Variants in SEMA6D observed in about 807,000 individuals in gnomAD.
SEMA6D encodes the protein semaphorin 6D.
In SEMA6D, 35 loss-of-function variants were observed where a neutral mutation model predicts 106.6. The observed-to-expected ratio is 0.33, with a 90% confidence interval of 0.25 to 0.44. The LOEUF (loss-of-function observed/expected upper bound fraction) is 0.44, where lower values mean the gene tolerates loss of function less well. Among genes scored for constraint, SEMA6D ranks in the 20% least tolerant of loss-of-function variants. SEMA6D has a pLI of 1.00. For missense variants in SEMA6D, 1,185 were observed against 1,345.9 expected (o/e 0.88, Z 1.87); for synonymous variants, 499 against 487.7 (o/e 1.02, Z -0.31).
In SEMA6D at chr15:47,503,673, G is replaced by GCT. The variant is rs561903309; in HGVS notation, c.-87+33141_-87+33142dup. Among the ~76,000 whole-genome samples the GCT allele has an allele frequency of 6.1e-3, 850 of 140,092 alleles. 6 individuals are homozygous for GCT. Among genetic ancestry groups the GCT allele is most frequent in the Admixed American group, 0.017 (226 of 13,498 alleles). 91.9% of individuals were successfully genotyped at this position (140,092 alleles called of 152,430 possible). On this transcript the variant is annotated intron_variant, in intron 3 of 19. Transcript: ENST00000558014. ...CTTGTGTCTGTGCACATGCAGGGGT[G>GCT]CTCTCTCTCTCTCTGTCACACACAC...
intron 3 of SEMA6D, among the ~76,000 whole-genome samples, chr15:47,567,511 A>G (rs2046262262): frequency 6.6e-6 from 1 of 152,146 alleles, no homozygotes; most frequent in African/African-American, 2.4e-5. Context: ...TAACCATGAA[A>G]TACTTTTCCT....
chr15:47,627,940 A>G (rs12899451), intron 4 of SEMA6D, among the ~76,000 whole-genome samples: 43,365 of 151,966 alleles, frequency 0.29, 7,192 homozygotes, highest in East Asian at 0.45. Flanking sequence ...TCATATAGTA[A>G]GTAACTTTTT....
chr15:47,377,631 C>T (rs1478732782), intron 1 of SEMA6D, among the ~76,000 whole-genome samples: 2 of 152,162 alleles, frequency 1.3e-5, no homozygotes, highest in African/African-American at 4.8e-5. Flanking sequence ...TTCTACCATC[C>T]TGTGGAGTCA....
intron 2 of SEMA6D, among the ~76,000 whole-genome samples, chr15:47,430,943 G>A (rs988580933): frequency 7.2e-5 from 11 of 152,094 alleles, no homozygotes; most frequent in Admixed American, 2.0e-4. Flanking sequence ...CCCTAGCCAC[G>A]GAGTTCTTTT....
chr15:47,309,050 A>G (rs1178755570), intron 1 of SEMA6D, among the ~76,000 whole-genome samples: 1 of 152,156 alleles, frequency 6.6e-6, no homozygotes, highest in African/African-American at 2.4e-5. Context: ...AGATGTGCTT[A>G]TAATTAGAAA....
chr15:47,329,586 G>A (rs2037262472), intron 1 of SEMA6D, among the ~76,000 whole-genome samples: 1 of 152,030 alleles, frequency 6.6e-6, no homozygotes. Flanking sequence ...ATGCATTGTT[G>A]GCTGCCTTTA....
At chr15:47,466,077 G>C (rs1012278998) in intron 2 of SEMA6D, among the ~76,000 whole-genome samples, 1 of 152,082 alleles carries the variant, frequency 6.6e-6, no homozygotes, top group Non-Finnish European at 1.5e-5. Flanking sequence ...AAAATGATTT[G>C]ATGTACATAT....
chr15:47,755,664 C>T (rs1021944252), intron 1 of SEMA6D, among the ~76,000 whole-genome samples: 2 of 151,730 alleles, frequency 1.3e-5, no homozygotes. Flanking sequence ...TAGAGTGTAG[C>T]TTGTCAGAGG....
At position 47,549,783 on chromosome 15, in the gene SEMA6D, G is replaced by C. The variant is rs117756137; in HGVS notation, c.-86-51082G>C. 9.9e-3 allele frequency among the ~76,000 whole-genome samples: 1,513 copies of C among 152,238 alleles called. 10 individuals carry two copies. Among genetic ancestry groups the C allele is most frequent in the Admixed American group, 0.021 (318 of 15,284 alleles). On this transcript the variant is annotated intron_variant, in intron 3 of 19. Coordinates refer to the SEMA6D transcript ENST00000558014. Reference sequence around the variant, plus strand: ...GGTATTGATTTGTACAAACCTTCCTGTTTCTGAGTGCCTTTAAGAAAATTA... The same window carrying C: ...GGTATTGATTTGTACAAACCTTCCTCTTTCTGAGTGCCTTTAAGAAAATTA...
At chr15:47,756,647 C>T (rs1235920391) in intron 1 of SEMA6D, among the ~76,000 whole-genome samples, 2 of 152,150 alleles carry the variant, frequency 1.3e-5, no homozygotes, top group Non-Finnish European at 2.9e-5. Flanking sequence ...TCCAACATTT[C>T]ATCCTGCTAC....
intron 1 of SEMA6D, among the ~76,000 whole-genome samples, chr15:47,292,030 C>A (rs1367851666): frequency 6.6e-6 from 1 of 152,218 alleles, no homozygotes; most frequent in African/African-American, 2.4e-5. Flanking sequence ...CTCAGGAAAT[C>A]TCTTTTCTCC....
chr15:47,674,096 C>T (rs2078194054), intron 4 of SEMA6D, among the ~76,000 whole-genome samples: 1 of 152,158 alleles, frequency 6.6e-6, no homozygotes, highest in South Asian at 2.1e-4. Flanking sequence ...AACACAAAAC[C>T]AGCACTGGCT....
At chr15:47,620,824 A>T (rs2077085350) in intron 4 of SEMA6D, among the ~76,000 whole-genome samples, 1 of 151,874 alleles carries the variant, frequency 6.6e-6, no homozygotes, top group Non-Finnish European at 1.5e-5. Context: ...CATCTCTCCA[A>T]TGTGGCAGAG....
At chr15:47,205,256 C>T (rs1002414702) in intron 1 of SEMA6D, among the ~76,000 whole-genome samples, 44 of 152,038 alleles carry the variant, frequency 2.9e-4, no homozygotes, top group Admixed American at 2.6e-4. Context: ...TTGTCTTCTC[C>T]TTTTTGCTCT....
At chr15:47,200,186 A>G (rs1209293796) in intron 1 of SEMA6D, among the ~76,000 whole-genome samples, 2 of 152,150 alleles carry the variant, frequency 1.3e-5, no homozygotes, top group African/African-American at 2.4e-5. Flanking sequence ...AAAGGGCGAA[A>G]GGGCTGTGGA....
chr15:47,433,707 G>A (rs528450362), intron 2 of SEMA6D, among the ~76,000 whole-genome samples: 349 of 152,192 alleles, frequency 2.3e-3, no homozygotes, highest in African/African-American at 8.1e-3. Flanking sequence ...AAGTTGCAGA[G>A]TATGGGAGAT....
chr15:47,596,086 C>T (rs2076531115), intron 3 of SEMA6D, among the ~76,000 whole-genome samples: 1 of 151,986 alleles, frequency 6.6e-6, no homozygotes, highest in African/African-American at 2.4e-5. Flanking sequence ...AAAACAAATA[C>T]AGTAAAGTTG....
rs1595592054 is a variant in SEMA6D at position 47,270,367 on chromosome 15, A to G, written c.-239+85949A>G. 2.0e-5 allele frequency among the ~76,000 whole-genome samples: 3 copies of G among 151,918 alleles called. No individual in the cohort carries two copies. The East Asian group carries it at 5.8e-4, about 29-fold the overall frequency. On this transcript the variant is annotated intron_variant, in intron 1 of 19. Coordinates refer to the SEMA6D transcript ENST00000558014. ...GTACACTATTGCTAGTAATTGCTTT[A>G]TAAATTCTTCAGGATTTTCTACATA...
At chr15:47,630,505 G>A (rs1443478769) in intron 4 of SEMA6D, among the ~76,000 whole-genome samples, 1 of 151,482 alleles carries the variant, frequency 6.6e-6, no homozygotes, top group Non-Finnish European at 1.5e-5. Context: ...GATTTTTTTT[G>A]AGATTTTCTA....
Sources: allele counts gnomAD v4.1 joint callset (sites outside exome capture counted in the v4.1 genomes callset), GRCh38; gene constraint gnomAD v4.1.1; transcripts MANE v1.5; gene names NCBI Gene and HGNC (gene_info 2026-07-23, HGNC 2026-07-21).